The following TMX2 variants were observed in gnomAD, a reference collection of about 807,000 sequenced individuals.
TMX2 encodes thioredoxin-related transmembrane protein 2.
A neutral mutation model predicts 33.4 loss-of-function variants in TMX2; 20 were observed. The observed-to-expected ratio is 0.60, with a 90% CI of 0.42 to 0.87. The LOEUF (loss-of-function observed/expected upper bound fraction) is 0.87. Among genes scored for constraint, TMX2 ranks in the 40% least tolerant of loss-of-function variants. The probability of loss-of-function intolerance (pLI) is 0.00; values close to 1 mark genes in which losing one functional copy is unlikely to be tolerated. For missense variants in TMX2, 340 were observed against 370.7 expected, an observed-to-expected ratio of 0.92 and a Z score of 0.68; for synonymous variants, 166 against 140.7, an observed-to-expected ratio of 1.18 and a Z score of -1.27.
intron 1 of TMX2, among the ~76,000 whole-genome samples, chr11:57,734,614 G>A (rs1948628038): frequency 6.6e-6 from 1 of 151,778 alleles, no homozygotes; most frequent in South Asian, 2.1e-4. Flanking sequence ...CGGGCGTGGG[G>A]GCAGGTGCCT....
Position 57,712,662 on chromosome 11 carries a change from C to G in TMX2, c.44C>G (p.Pro15Arg), listed in dbSNP as rs1374563199. Reference protein sequence around the residue: ...APLIALVYSVPRLSRWLAQPY... With the variant: ...APLIALVYSVRRLSRWLAQPY... ...CTAATTGCTCTCGTGTATTCGGTGC[C>G]GCGACTTTCACGATGGCTCGCCCAA... The change falls in exon 1 of 8, where the codon CCG (proline) becomes CGG (arginine). Residue 15 changes from proline (P) to arginine (R), a missense_variant. Around this residue, in one of 3 missense-constraint regions of TMX2, gnomAD observed 106 missense variants for 82.7 expected, o/e 1.28. Coordinates refer to ENST00000278422, the MANE Select transcript of TMX2 (RefSeq NM_015959.4). 2 of 1,614,160 alleles carry G rather than the reference C, an allele frequency of 1.2e-6. No homozygotes were observed.
At chr11:57,738,890 C>A in intron 5 of TMX2, 84 bp from the exon 6 acceptor site, 1 of 1,540,532 alleles carries the variant, frequency 6.5e-7, no homozygotes, top group South Asian at 1.1e-5. Flanking sequence ...AAGGCATCTC[C>A]CTCTCCCCTC....
In TMX2 at chr11:57,737,972, C is replaced by A. The variant is rs1212653508; in HGVS notation, c.310C>A (p.Leu104Ile). 4 of 1,613,868 alleles carry A rather than the reference C, an allele frequency of 2.5e-6. No homozygotes were observed. In the African/African-American group the frequency reaches 4.0e-5, roughly 16 times the overall value. Reference sequence around the variant, plus strand: ...GTTTAGTAAAGTGGCCAACACAATTCTTTTCTTCCGCTTGGATATTCGCAT... The same window carrying A: ...GTTTAGTAAAGTGGCCAACACAATTATTTTCTTCCGCTTGGATATTCGCAT... Reference protein sequence around the residue: ...FMFSKVANTILFFRLDIRMGL... With the variant: ...FMFSKVANTIIFFRLDIRMGL... Residue 104 changes from leucine to isoleucine, a missense_variant, in exon 3 of 8, where the codon CTT (leucine) becomes ATT (isoleucine). Around this residue, in one of 3 missense-constraint regions of TMX2, gnomAD observed 209 missense variants for 241.6 expected, o/e 0.87. Transcript: ENST00000278422.
Position 57,712,823 on chromosome 11 carries a change from GT to G in TMX2, c.189+18del. ...CTTTGACTGGGTGAGCCTCCCGCGT[GT>G]TAGTACCCCGCGACCTTGACTGTCC... On this transcript the variant is annotated intron_variant, in intron 1 of 7. Coordinates refer to ENST00000278422, the MANE Select transcript of TMX2 (RefSeq NM_015959.4). 3 of 1,613,730 alleles carry G rather than the reference GT, an allele frequency of 1.9e-6. No homozygotes were observed. The highest frequency in any genetic ancestry group is 1.7e-6 in the Non-Finnish European group (2 of 1,179,874).
At chr11:57,715,039 G>A (rs1387096037) in intron 1 of TMX2, among the ~76,000 whole-genome samples, 1 of 152,156 alleles carries the variant, frequency 6.6e-6, no homozygotes, top group Non-Finnish European at 1.5e-5. Flanking sequence ...CGGTGATACA[G>A]TTTCAAAGTT....
At chr11:57,718,561 A>C (rs1198897509) in intron 1 of TMX2, 1 of 639,302 alleles carries the variant, frequency 1.6e-6, no homozygotes, top group Non-Finnish European at 2.8e-6. Flanking sequence ...TGGTGGTGGC[A>C]GCAAAGCCTC....
At chr11:57,735,125 G>A (rs965923079) in intron 1 of TMX2, among the ~76,000 whole-genome samples, 4 of 151,710 alleles carry the variant, frequency 2.6e-5, no homozygotes, top group Non-Finnish European at 1.5e-5. Context: ...GCAAGAGTCC[G>A]TCTCAAAAAA....
intron 1 of TMX2, 75 bp from the exon 2 acceptor site, chr11:57,737,533 A>C: frequency 7.9e-7 from 1 of 1,258,012 alleles, no homozygotes. Flanking sequence ...TTTTTATTAC[A>C]TATTTAGTTC....
intron 1 of TMX2, among the ~76,000 whole-genome samples, chr11:57,728,206 A>T (rs912776430): frequency 2.2e-4 from 33 of 151,740 alleles, no homozygotes; most frequent in Middle Eastern, 3.4e-3. Flanking sequence ...TGTGTCGCCC[A>T]GGCTGGAGTG....
At chr11:57,729,089 A>G (rs1157892371) in intron 1 of TMX2, among the ~76,000 whole-genome samples, 1 of 151,994 alleles carries the variant, frequency 6.6e-6, no homozygotes, top group African/African-American at 2.4e-5. Context: ...CCACCACACA[A>G]GAACCCTAGG....
At chr11:57,726,290 G>T (rs933792986) in intron 1 of TMX2, among the ~76,000 whole-genome samples, 4 of 152,042 alleles carry the variant, frequency 2.6e-5, no homozygotes, top group African/African-American at 9.7e-5. Flanking sequence ...GCATGCGCCT[G>T]TAGTCCCAGC....
At chr11:57,734,907 G>A (rs775138041) in intron 1 of TMX2, among the ~76,000 whole-genome samples, 4 of 151,688 alleles carry the variant, frequency 2.6e-5, no homozygotes, top group East Asian at 3.9e-4. Flanking sequence ...AGGCCGAGGC[G>A]GGCAGATCAC....
intron 1 of TMX2, among the ~76,000 whole-genome samples, chr11:57,722,044 A>G (rs1947667264): frequency 6.6e-6 from 1 of 152,124 alleles, no homozygotes; most frequent in African/African-American, 2.4e-5. Flanking sequence ...TACCCACGCT[A>G]CAGTGCAGTG....
At chr11:57,735,596 A>G (rs1565231807) in intron 1 of TMX2, among the ~76,000 whole-genome samples, 1 of 152,218 alleles carries the variant, frequency 6.6e-6, no homozygotes, top group African/African-American at 2.4e-5. Context: ...AGAAGCTAAA[A>G]ACAGACACTT....
At chr11:57,729,497 T>C (rs1371749393) in intron 1 of TMX2, among the ~76,000 whole-genome samples, 2 of 152,302 alleles carry the variant, frequency 1.3e-5, no homozygotes, top group Non-Finnish European at 2.9e-5. Flanking sequence ...AATAGACTTA[T>C]ATAATTTTAC....
intron 1 of TMX2, among the ~76,000 whole-genome samples, chr11:57,715,052 C>CA (rs1245575794): frequency 1.1e-4 from 17 of 152,260 alleles, no homozygotes; most frequent in Admixed American, 3.3e-4. Context: ...TCAAAGTTAT[C>CA]AGAAACCTTT....
chr11:57,740,199 C>T lies in TMX2; in HGVS notation c.845C>T (p.Ser282Leu), dbSNP rs1174575886. 3.1e-6 allele frequency: 5 copies of T among 1,613,670 alleles called. No individual in the cohort carries two copies. In the South Asian group the frequency reaches 4.4e-5, roughly 14 times the overall value. Residue 282 changes from serine (S) to leucine (L), a missense_variant, in exon 8 of 8, where the codon TCA becomes TTA. Coordinates refer to ENST00000278422, the MANE Select transcript of TMX2 (RefSeq NM_015959.4). ...DNIPEEQPVA[S>L]TPTTVSDGEN... is the part of the protein sequence containing the mutation. ...ATCCCTGAGGAGCAGCCTGTGGCTT[C>T]AACCCCCACCACAGTGTCAGATGGG... is the stretch of plus-strand genomic sequence containing the variant.
intron 1 of TMX2, among the ~76,000 whole-genome samples, chr11:57,722,863 A>G (rs1947727947): frequency 6.6e-6 from 1 of 152,222 alleles, no homozygotes; most frequent in Admixed American, 6.5e-5. Context: ...CTATAATCCC[A>G]GCACTTTGGG....
chr11:57,739,232 G>T lies in TMX2; in HGVS notation c.716G>T (p.Gly239Val). Residue 239 changes from glycine (G) to valine (V), a missense_variant, in exon 7 of 8, where the codon GGA becomes GTA. Transcript: ENST00000278422. ...CGGCGGCCACAGATTGACAAGAAAG[G>T]ACGGGCTGTCTCATGGACCTTCTCT... The part of the protein sequence containing the change: ...AMRRPQIDKK[G>V]RAVSWTFSEE... The T allele has an allele frequency of 6.2e-7, 1 of 1,614,132 alleles. No homozygotes were observed. The highest frequency in any genetic ancestry group is 8.5e-7 in the Non-Finnish European group (1 of 1,180,036).
Sources: allele counts gnomAD v4.1 joint callset (sites outside exome capture counted in the v4.1 genomes callset), GRCh38; gene constraint gnomAD v4.1.1; regional missense constraint gnomAD v4.1.1; transcripts MANE v1.5; gene names NCBI Gene and HGNC (gene_info 2026-07-23, HGNC 2026-07-21).